TYR: variants seen among roughly 807,000 people sequenced by gnomAD.
The protein encoded by TYR is tyrosinase.
In TYR, 58 loss-of-function variants were observed where a neutral mutation model predicts 51.5. The observed-to-expected ratio is 1.13, with a 90% CI of 0.91 to 1.40. The LOEUF (loss-of-function observed/expected upper bound fraction) is 1.40. Among genes scored for constraint, TYR ranks in the 40% most tolerant of loss-of-function variants. The pLI, the probability that TYR is intolerant of heterozygous loss-of-function variation, is 0.00. For synonymous variants in TYR, 263 were observed against 235.2 expected, an observed-to-expected ratio of 1.12 and a Z score of -1.08; for missense variants, 732 against 647.4, an observed-to-expected ratio of 1.13 and a Z score of -1.42.
chr11:89,183,658 G>C (rs914481061), intron 1 of TYR, among the ~76,000 whole-genome samples: 3 of 152,058 alleles, frequency 2.0e-5, no homozygotes, highest in African/African-American at 7.2e-5. Flanking sequence ...AAGCATTACT[G>C]TGAAGGGATT....
chr11:89,214,183 A>G (rs1434125075), intron 2 of TYR, among the ~76,000 whole-genome samples: 1 of 151,902 alleles, frequency 6.6e-6, no homozygotes, highest in Non-Finnish European at 1.5e-5. Flanking sequence ...CATCCATCAA[A>G]CTGACAAAGG....
At chr11:89,279,159 G>A (rs897176187) in intron 3 of TYR, among the ~76,000 whole-genome samples, 3 of 151,542 alleles carry the variant, frequency 2.0e-5, no homozygotes, top group Non-Finnish European at 4.4e-5. Context: ...AAAGTCTCTG[G>A]CCCCTCTTTC....
chr11:89,286,060 G>A (rs1360953638), intron 4 of TYR, among the ~76,000 whole-genome samples: 4 of 151,840 alleles, frequency 2.6e-5, no homozygotes, highest in African/African-American at 4.8e-5. Context: ...GTGGAAGTAA[G>A]ACAATTGTGC....
At chr11:89,183,191 A>G (rs1943324683) in intron 1 of TYR, among the ~76,000 whole-genome samples, 2 of 152,124 alleles carry the variant, frequency 1.3e-5, no homozygotes, top group South Asian at 2.1e-4. Flanking sequence ...TTAAGAGAAC[A>G]GTATTTAGGT....
At chr11:89,272,416 G>A (rs796181364) in intron 3 of TYR, among the ~76,000 whole-genome samples, 18 of 150,934 alleles carry the variant, frequency 1.2e-4, no homozygotes, top group African/African-American at 4.4e-4. Context: ...TTGAAGGAGT[G>A]GGTCTCAACA....
At chr11:89,207,362 C>T (rs1943685663) in intron 2 of TYR, among the ~76,000 whole-genome samples, 1 of 152,080 alleles carries the variant, frequency 6.6e-6, no homozygotes, top group African/African-American at 2.4e-5. Context: ...TAACATTTGA[C>T]AACTTAGATG....
intron 3 of TYR, among the ~76,000 whole-genome samples, chr11:89,277,826 G>A (rs753820296): frequency 6.6e-6 from 1 of 151,534 alleles, no homozygotes; most frequent in Non-Finnish European, 1.5e-5. Context: ...TTATCCCCCT[G>A]ATGCGTGCAT....
intron 3 of TYR, among the ~76,000 whole-genome samples, chr11:89,235,999 C>G (rs893199400): frequency 6.6e-6 from 1 of 152,092 alleles, no homozygotes. Context: ...GTCAATTTGT[C>G]TAGATGCCTT....
chr11:89,192,585 C>T (rs1591144058), intron 2 of TYR, among the ~76,000 whole-genome samples: 1 of 152,026 alleles, frequency 6.6e-6, no homozygotes, highest in Non-Finnish European at 1.5e-5. Context: ...ATTCATTTCC[C>T]TGTTTTATTC....
At chr11:89,231,287 T>C (rs1944046330) in intron 3 of TYR, among the ~76,000 whole-genome samples, 1 of 151,802 alleles carries the variant, frequency 6.6e-6, no homozygotes, top group Non-Finnish European at 1.5e-5. Context: ...AAAACTATCA[T>C]ATGATTCAGC....
intron 3 of TYR, among the ~76,000 whole-genome samples, chr11:89,262,369 G>C (rs1441066135): frequency 6.6e-6 from 1 of 151,500 alleles, no homozygotes; most frequent in African/African-American, 2.4e-5. Context: ...TGAAATTTAT[G>C]GTTATTAATG....
At position 89,295,147 on chromosome 11, in the gene TYR, A is replaced by G; in HGVS notation, c.1371A>G (p.Pro457=). The change falls in exon 5 of 5, where the codon CCA becomes CCG. Residue 457 remains proline, a synonymous_variant. Coordinates refer to ENST00000263321, the MANE Select transcript of TYR (RefSeq NM_000372.5). Reference sequence around the variant, plus strand: ...TGGGATGTCTTTTTATTTCAGACCCAGACTCTTTTCAAGACTACATTAAGT... The same window carrying G: ...TGGGATGTCTTTTTATTTCAGACCCGGACTCTTTTCAAGACTACATTAAGT... ...YDYSYLQDSD[P]DSFQDYIKSY... 1.2e-6 allele frequency: 2 copies of G among 1,613,980 alleles called. No individual in the cohort carries two copies. Among genetic ancestry groups the G allele is most frequent in the Non-Finnish European group, 1.7e-6 (2 of 1,179,874 alleles).
chr11:89,286,574 T>C (rs1018787416), intron 4 of TYR, among the ~76,000 whole-genome samples: 1 of 151,792 alleles, frequency 6.6e-6, no homozygotes, highest in African/African-American at 2.4e-5. Context: ...TGGTACAATA[T>C]ATACACAATT....
At chr11:89,184,455 T>G (rs1473736359) in intron 1 of TYR, among the ~76,000 whole-genome samples, 1 of 152,172 alleles carries the variant, frequency 6.6e-6, no homozygotes, top group Non-Finnish European at 1.5e-5. Context: ...CAACCATTCC[T>G]AAGCCATTAA....
chr11:89,212,252 G>T (rs1416142495), intron 2 of TYR, among the ~76,000 whole-genome samples: 1 of 151,988 alleles, frequency 6.6e-6, no homozygotes, highest in East Asian at 1.9e-4. Flanking sequence ...TGATAAAGAG[G>T]ATATTGCCAC....
chr11:89,281,215 C>T (rs1177294920), intron 3 of TYR, among the ~76,000 whole-genome samples: 1 of 151,554 alleles, frequency 6.6e-6, no homozygotes, highest in Admixed American at 6.6e-5. Flanking sequence ...TTTACTTCCC[C>T]TTAGGTGAGA....
At chr11:89,232,142 G>A (rs1222248509) in intron 3 of TYR, among the ~76,000 whole-genome samples, 1 of 143,708 alleles carries the variant, frequency 7.0e-6, no homozygotes, top group Non-Finnish European at 1.5e-5. Flanking sequence ...GTAATGCAAT[G>A]TTAATTAGTT....
At chr11:89,282,447 T>C (rs1675284274) in intron 3 of TYR, among the ~76,000 whole-genome samples, 1 of 151,820 alleles carries the variant, frequency 6.6e-6, no homozygotes, top group Admixed American at 6.6e-5. Flanking sequence ...ATTTCCTTTT[T>C]TGGTAAAATA....
intron 3 of TYR, among the ~76,000 whole-genome samples, chr11:89,280,261 C>A (rs1944705974): frequency 6.6e-6 from 1 of 151,610 alleles, no homozygotes; most frequent in South Asian, 2.1e-4. Context: ...TTCTGTTCTG[C>A]CTACTTTTTC....
Sources: gnomAD v4.1 joint callset for allele counts (sites outside exome capture counted in the v4.1 genomes callset) on GRCh38, gnomAD v4.1.1 for gene constraint, MANE v1.5 for transcripts, NCBI Gene and HGNC (gene_info 2026-07-23, HGNC 2026-07-21) for gene names.